The following RMDN3 variants were observed in gnomAD, a reference collection of about 807,000 sequenced individuals.
The protein encoded by RMDN3 is regulator of microtubule dynamics protein 3.
RMDN3 carries 41 observed loss-of-function variants against 61.8 expected under a neutral mutation model. The ratio of observed to expected loss-of-function variants is 0.66; its 90% CI spans 0.52 to 0.86. The LOEUF (loss-of-function observed/expected upper bound fraction) is 0.86, where lower values mean the gene tolerates loss of function less well. RMDN3 is among the 40% of genes least tolerant of loss of function. The probability of loss-of-function intolerance (pLI) is 0.00; values close to 1 mark genes in which losing one functional copy is unlikely to be tolerated. For synonymous variants in RMDN3, 247 were observed against 232.0 expected (o/e 1.06, Z -0.59); for missense variants, 557 against 585.3 (o/e 0.95, Z 0.50).
At chr15:40,746,325 C>T (rs1897552965) in intron 4 of RMDN3, among the ~76,000 whole-genome samples, 1 of 152,016 alleles carries the variant, frequency 6.6e-6, no homozygotes, top group Non-Finnish European at 1.5e-5. Flanking sequence ...ACCATCCTGG[C>T]TAACACGGTG....
intron 4 of RMDN3, among the ~76,000 whole-genome samples, chr15:40,748,435 G>A (rs1897669921): frequency 6.6e-6 from 1 of 152,148 alleles, no homozygotes; most frequent in African/African-American, 2.4e-5. Context: ...CAGCCTGAAG[G>A]CGCTATAATT....
Position 40,745,189 on chromosome 15 carries a change from C to T in RMDN3, c.595G>A (p.Glu199Lys). ...SDKESEDGED[E>K]VSCETVKMGR... ...ATCTTCACAGTCTCACAGCTCACTT[C>T]ATCTTCCCCGTCCTCACTTTCTTTG... Residue 199 changes from glutamate to lysine, a missense_variant, in exon 5 of 13, where the codon GAA becomes AAA. Transcript: ENST00000338376. The T allele has an allele frequency of 6.2e-7, 1 of 1,614,130 alleles. No homozygotes were observed.
At chr15:40,738,861 C>T (rs893689181) in intron 7 of RMDN3, 7 of 467,150 alleles carry the variant, frequency 1.5e-5, no homozygotes, top group Non-Finnish European at 2.7e-5. Flanking sequence ...TAAATCTCTC[C>T]TACACTCATA....
At chr15:40,751,870 G>C in intron 3 of RMDN3, 116 bp downstream of exon 3, 1 of 1,157,752 alleles carries the variant, frequency 8.6e-7, no homozygotes. Context: ...CCCAGATTAG[G>C]CTAGAAGCTA....
At position 40,751,451 on chromosome 15, in the gene RMDN3, A is replaced by T; in HGVS notation, c.499T>A (p.Phe167Ile). Residue 167 changes from phenylalanine (F) to isoleucine (I), a missense_variant, in exon 4 of 13, where the codon TTC becomes ATC. Physicochemically the swap from Phe to Ile is conservative, Grantham distance 21. Coordinates refer to ENST00000338376, the MANE Select transcript of RMDN3 (RefSeq NM_018145.3). Reference sequence around the variant, plus strand: ...CCCCCTTCACTCTCAGCATCTGTGAACGTGGCTCCCGAGGAGGCCGTGAAG... The same window carrying T: ...CCCCCTTCACTCTCAGCATCTGTGATCGTGGCTCCCGAGGAGGCCGTGAAG... ...VYFTASSGAT[F>I]TDAESEGGYT... 1 of 1,614,224 alleles carries T rather than the reference A, an allele frequency of 6.2e-7. No individual in the cohort carries two copies. Among genetic ancestry groups the T allele is most frequent in the Non-Finnish European group, 8.5e-7 (1 of 1,180,046 alleles).
chr15:40,742,838 C>A (rs1334127169), intron 6 of RMDN3, among the ~76,000 whole-genome samples: 1 of 152,102 alleles, frequency 6.6e-6, no homozygotes, highest in Admixed American at 6.5e-5. Flanking sequence ...CATGAAGAGT[C>A]CAAAAATCAG....
At chr15:40,753,348 C>T (rs1026147362) in intron 2 of RMDN3, among the ~76,000 whole-genome samples, 2 of 152,054 alleles carry the variant, frequency 1.3e-5, no homozygotes, top group Non-Finnish European at 2.9e-5. Flanking sequence ...CCCATCTTTA[C>T]TAAAAATACA....
intron 7 of RMDN3, 116 bp from the exon 8 acceptor site, chr15:40,738,692 C>G: frequency 2.2e-6 from 2 of 914,680 alleles, no homozygotes; most frequent in Non-Finnish European, 3.5e-6. Context: ...TCAACTAGAG[C>G]TGAAAATACC....
chr15:40,736,713 C>T (rs1477981612), intron 12 of RMDN3, 119 bp from the exon 13 acceptor site: 1 of 843,346 alleles, frequency 1.2e-6, no homozygotes, highest in Non-Finnish European at 1.9e-6. Context: ...AGTCTTTTTC[C>T]TACTTCCCCA....
rs1377077419 is a variant in RMDN3, at chr15:40,736,428, C to G, written c.*113G>C. 37 of 910,662 alleles carry G rather than the reference C, an allele frequency of 4.1e-5. No homozygotes were observed. The Admixed American group carries it at 7.3e-4, about 18-fold the overall frequency. 56.4% of individuals were successfully genotyped at this position (910,662 alleles called of 1,614,324 possible). On this transcript the variant is annotated 3_prime_UTR_variant, in exon 13 of 13. Transcript: ENST00000338376. ...GAGTGGTAGTGGGTAGCAGTCAGAC[C>G]CAGGAGACAGATTTGTGTGGTTTCC...
At chr15:40,737,853 G>A in intron 9 of RMDN3, 112 bp downstream of exon 9, 1 of 1,463,522 alleles carries the variant, frequency 6.8e-7, no homozygotes, top group South Asian at 1.1e-5. Context: ...CGAGCATTCA[G>A]AAGAAAGGGC....
chr15:40,751,655 G>T, intron 3 of RMDN3, 86 bp from the exon 4 acceptor site: 2 of 1,566,610 alleles, frequency 1.3e-6, no homozygotes, highest in Non-Finnish European at 1.8e-6. Context: ...TCTTACTACT[G>T]CTCCTCATTA....
At chr15:40,742,350 CCT>C (rs1421717171) in intron 6 of RMDN3, among the ~76,000 whole-genome samples, 6 of 152,066 alleles carry the variant, frequency 3.9e-5, no homozygotes, top group African/African-American at 1.5e-4. Flanking sequence ...AAAGACTCTA[CCT>C]CTCTTCCCAA....
intron 12 of RMDN3, 77 bp downstream of exon 12, chr15:40,737,047 T>G: frequency 2.6e-6 from 3 of 1,145,652 alleles, no homozygotes; most frequent in South Asian, 1.2e-5. Context: ...GAGATGGGGT[T>G]TCTCCATGTT....
chr15:40,755,033 A>AC, intron 1 of RMDN3, 50 bp downstream of exon 1: 1 of 427,390 alleles, frequency 2.3e-6, no homozygotes, highest in South Asian at 3.5e-5. Context: ...CCTCCAGTAC[A>AC]CCCCCCGACC....
intron 12 of RMDN3, 63 bp downstream of exon 12, chr15:40,737,061 C>T (rs1047800995): frequency 2.3e-6 from 3 of 1,312,566 alleles, no homozygotes; most frequent in South Asian, 1.2e-5. Context: ...CCATGTTGGT[C>T]AGGCTGTCTC....
At chr15:40,745,440 T>C (rs562520051) in intron 4 of RMDN3, among the ~76,000 whole-genome samples, 181 bp from the exon 5 acceptor site, 125 of 133,812 alleles carry the variant, frequency 9.3e-4, no homozygotes, top group African/African-American at 3.5e-3. Context: ...TGAGACAGGG[T>C]CCCGCTCTGT....
At chr15:40,738,617 C>A in intron 7 of RMDN3, 41 bp from the exon 8 acceptor site, 4 of 1,599,200 alleles carry the variant, frequency 2.5e-6, no homozygotes, top group Non-Finnish European at 3.4e-6. Context: ...GGGCTGAGTA[C>A]CATCACTGCA....
At chr15:40,753,296 G>T (rs1401469758) in intron 2 of RMDN3, among the ~76,000 whole-genome samples, 1 of 152,132 alleles carries the variant, frequency 6.6e-6, no homozygotes, top group Non-Finnish European at 1.5e-5. Context: ...TTAGGAGGCC[G>T]AGGCCAGGAG....
Sources: allele counts gnomAD v4.1 joint callset (sites outside exome capture counted in the v4.1 genomes callset), GRCh38; gene constraint gnomAD v4.1.1; transcripts MANE v1.5; gene names NCBI Gene and HGNC (gene_info 2026-07-23, HGNC 2026-07-21).